ADGRL3: variants seen among roughly 807,000 people sequenced by gnomAD.
ADGRL3 encodes calcium-independent alpha-latrotoxin receptor 3.
In ADGRL3, 62 loss-of-function variants were observed where a neutral mutation model predicts 153.5. That is an observed-to-expected ratio of 0.40 (90% confidence interval 0.33 to 0.50). ADGRL3 has a LOEUF of 0.50. Among genes scored for constraint, ADGRL3 ranks in the 20% least tolerant of loss-of-function variants. The pLI is 0.47. For synonymous variants in ADGRL3, 710 were observed against 672.5 expected (o/e 1.06, Z -0.86); for missense variants, 1,641 against 1,859.4 (o/e 0.88, Z 2.16).
chr4:61,879,892 T>G (rs574955042), intron 9 of ADGRL3, among the ~76,000 whole-genome samples: 2 of 151,980 alleles, frequency 1.3e-5, no homozygotes, highest in Non-Finnish European at 2.9e-5. Flanking sequence ...GCTAATTTTT[T>G]AAAAAATTTT....
intron 2 of ADGRL3, among the ~76,000 whole-genome samples, chr4:61,415,386 A>G (rs909251603): frequency 4.6e-5 from 7 of 152,074 alleles, no homozygotes; most frequent in South Asian, 2.1e-4. Flanking sequence ...AAGAGTTACT[A>G]AGGAAAGATA....
chr4:61,711,485 TATATATAC>T (rs1161615863), intron 6 of ADGRL3, among the ~76,000 whole-genome samples: 33 of 106,114 alleles, frequency 3.1e-4, no homozygotes, highest in African/African-American at 1.0e-3. Context: ...TATATATATA[TATATATAC>T]ACACACACAC....
chr4:61,378,477 G>A (rs113858430), intron 1 of ADGRL3, among the ~76,000 whole-genome samples: 70 of 152,094 alleles, frequency 4.6e-4, no homozygotes, highest in African/African-American at 1.6e-3. Flanking sequence ...ATAGAGATGA[G>A]TCTGTGCAAA....
intron 1 of ADGRL3, among the ~76,000 whole-genome samples, chr4:61,233,262 A>G (rs1029382767): frequency 2.6e-5 from 4 of 152,128 alleles, no homozygotes; most frequent in African/African-American, 9.7e-5. Flanking sequence ...AGGCATTTGA[A>G]TGATTGGAGT....
chr4:61,966,573 GGTGTGT>G (rs5858746), intron 17 of ADGRL3, among the ~76,000 whole-genome samples: 6,527 of 145,998 alleles, frequency 0.045, 182 homozygotes, highest in Non-Finnish European at 0.069. Flanking sequence ...TTTCAAAAGG[GGTGTGT>G]GTGTGTGTGT....
At chr4:61,392,941 T>TATATGTCAC (rs2096830463) in intron 2 of ADGRL3, among the ~76,000 whole-genome samples, 2 of 151,986 alleles carry the variant, frequency 1.3e-5, no homozygotes, top group Non-Finnish European at 2.9e-5. Flanking sequence ...CTACATCTCT[T>TATATGTCAC]ATATGTCACA....
intron 1 of ADGRL3, among the ~76,000 whole-genome samples, chr4:61,227,099 A>G (rs1218257535): frequency 6.6e-6 from 1 of 152,118 alleles, no homozygotes; most frequent in African/African-American, 2.4e-5. Context: ...ACATAATAGG[A>G]CATCACAATG....
rs1735124735 is a variant in ADGRL3 at position 61,202,370 on chromosome 4, C to G, written c.-240+605C>G. On this transcript the variant is annotated intron_variant, in intron 1 of 26. Coordinates refer to ENST00000683033, the MANE Select transcript of ADGRL3 (RefSeq NM_001387552.1). This position sits in a 1 kb window ranked among gnomAD's most constrained non-coding sequence, Gnocchi z 5.0. ...GAGTCTTGGAGTCGCGCTGCCTCCC[C>G]GCGCCCTGCCTGTTGTGTCTCCTTC... 6.5e-6 allele frequency: 1 copy of G among 152,694 alleles called. No homozygotes were observed. The highest frequency in any genetic ancestry group is 2.4e-5 in the African/African-American group (1 of 41,482). The allele number at this position is 152,694 out of a possible 1,614,324, so 9.5% of individuals were successfully genotyped here.
intron 23 of ADGRL3, among the ~76,000 whole-genome samples, chr4:62,034,254 A>G (rs892612940): frequency 6.6e-6 from 1 of 151,784 alleles, no homozygotes; most frequent in East Asian, 1.9e-4. Flanking sequence ...TACATTTTCA[A>G]TACATAAAGT....
chr4:61,305,444 A>G (rs2094742457), intron 1 of ADGRL3, among the ~76,000 whole-genome samples: 1 of 152,144 alleles, frequency 6.6e-6, no homozygotes, highest in Non-Finnish European at 1.5e-5. Context: ...AAAATCAGTG[A>G]GGCTTCTGTT....
intron 8 of ADGRL3, among the ~76,000 whole-genome samples, chr4:61,786,175 C>T (rs913330292): frequency 5.9e-5 from 9 of 152,172 alleles, no homozygotes; most frequent in African/African-American, 2.2e-4. Flanking sequence ...TAATAGAAAG[C>T]CATTCAATGT....
intron 1 of ADGRL3, among the ~76,000 whole-genome samples, chr4:61,339,492 C>T (rs1399676416): frequency 2.0e-5 from 3 of 152,158 alleles, no homozygotes; most frequent in Non-Finnish European, 4.4e-5. Flanking sequence ...ATTTGGTTTA[C>T]TTGATCCAGG....
At chr4:61,439,817 G>A (rs1034633731) in intron 2 of ADGRL3, among the ~76,000 whole-genome samples, 1 of 151,998 alleles carries the variant, frequency 6.6e-6, no homozygotes, top group Non-Finnish European at 1.5e-5. Context: ...ATTTTAGAAA[G>A]CATTATTTTC....
At chr4:61,659,839 A>G (rs1051988773) in intron 5 of ADGRL3, among the ~76,000 whole-genome samples, 1 of 147,958 alleles carries the variant, frequency 6.8e-6, no homozygotes, top group African/African-American at 2.5e-5. Context: ...AGTAGAGACT[A>G]CTTATGAAGA....
At chr4:61,415,132 G>C (rs1477241435) in intron 2 of ADGRL3, among the ~76,000 whole-genome samples, 2 of 151,522 alleles carry the variant, frequency 1.3e-5, no homozygotes, top group African/African-American at 4.8e-5. Context: ...TTTAGAAATA[G>C]GAATATTAAA....
At chr4:61,852,025 G>A (rs527568423) in intron 9 of ADGRL3, among the ~76,000 whole-genome samples, 36 of 152,264 alleles carry the variant, frequency 2.4e-4, no homozygotes, top group South Asian at 1.4e-3. Flanking sequence ...TAATTCCAAA[G>A]CAAATCAAAA....
intron 1 of ADGRL3, among the ~76,000 whole-genome samples, chr4:61,267,937 C>A (rs2092949011): frequency 6.6e-6 from 1 of 151,352 alleles, no homozygotes; most frequent in African/African-American, 2.4e-5. Flanking sequence ...AATAAAACAT[C>A]CTAATCAAGT....
intron 2 of ADGRL3, among the ~76,000 whole-genome samples, chr4:61,492,471 GT>G (rs1186655661): frequency 1.3e-5 from 2 of 152,076 alleles, no homozygotes; most frequent in Non-Finnish European, 2.9e-5. Context: ...AGGATAAGCA[GT>G]TTTGAGACTC....
intron 2 of ADGRL3, among the ~76,000 whole-genome samples, chr4:61,432,611 T>C (rs1024334898): frequency 1.4e-5 from 1 of 74,024 alleles, no homozygotes; most frequent in African/African-American, 5.2e-5. Flanking sequence ...TCTTTCTTTC[T>C]TTCTTTCTTT....
Sources: allele counts gnomAD v4.1 joint callset (sites outside exome capture counted in the v4.1 genomes callset), GRCh38; gene constraint gnomAD v4.1.1; non-coding constraint Gnocchi (gnomAD v3.1); transcripts MANE v1.5; gene names NCBI Gene and HGNC (gene_info 2026-07-23, HGNC 2026-07-21).